The following RYR2 variants were observed in gnomAD, a reference collection of about 807,000 sequenced individuals.
The protein encoded by RYR2 is cardiac muscle ryanodine receptor-calcium release channel.
Under a neutral mutation model 601.1 loss-of-function variants are expected in RYR2, and 227 were observed. That is an observed-to-expected ratio of 0.38 (90% CI 0.34 to 0.42). RYR2 has a LOEUF of 0.42. Ranked by LOEUF, RYR2 falls within the 10% of genes least tolerant of loss-of-function variation. The pLI, the probability that RYR2 is intolerant of heterozygous loss-of-function variation, is 1.00. For missense variants in RYR2, 4,646 were observed against 6,156.5 expected, an observed-to-expected ratio of 0.75 and a Z score of 8.21; for synonymous variants, 2,223 against 2,175.1, an observed-to-expected ratio of 1.02 and a Z score of -0.61.
At chr1:237,687,363 C>CTTCTTTTTTTTTTTTTTTTTTTTT in intron 62 of RYR2, 92 bp from the exon 63 acceptor site, 1 of 452,442 alleles carries the variant, frequency 2.2e-6, no homozygotes, top group Admixed American at 5.9e-5. Context: ...CTTTTTTCTT[C>CTTCTTTTTTTTTTTTTTTTTTTTT]TTCTTTTTTT....
intron 10 of RYR2, among the ~76,000 whole-genome samples, chr1:237,395,763 G>A (rs1702796880): frequency 6.6e-6 from 1 of 151,952 alleles, no homozygotes; most frequent in Non-Finnish European, 1.5e-5. Flanking sequence ...AGCCAGGATG[G>A]TCTTGATCTC....
intron 53 of RYR2, among the ~76,000 whole-genome samples, chr1:237,656,999 A>G (rs1162016889): frequency 6.6e-6 from 1 of 152,180 alleles, no homozygotes; most frequent in Admixed American, 6.6e-5. Context: ...CTAACATATG[A>G]TCTCATCTGA....
chr1:237,399,889 G>A (rs1703190444), intron 10 of RYR2, among the ~76,000 whole-genome samples: 1 of 152,108 alleles, frequency 6.6e-6, no homozygotes, highest in South Asian at 2.1e-4. Flanking sequence ...GGTGTTTACG[G>A]TAACTAGGGG....
chr1:237,691,221 A>G lies in RYR2; in HGVS notation c.9067+3717A>G, dbSNP rs116516616. ...AAACCTAAGAGTAAATTAAGACAGA[A>G]TTGAAAGTTGAGGTTGACAAGAAAA... is the stretch of plus-strand genomic sequence containing the variant. On this transcript the variant is annotated intron_variant, in intron 63 of 104. Transcript: ENST00000366574. Among the ~76,000 whole-genome samples the G allele has an allele frequency of 4.7e-3, 718 of 152,318 alleles. 5 individuals are homozygous for G. The highest frequency in any genetic ancestry group is 0.01 in the Middle Eastern group (3 of 294).
At chr1:237,808,848 C>A (rs562583470) in intron 99 of RYR2, 53 bp from the exon 100 acceptor site, 9 of 1,591,934 alleles carry the variant, frequency 5.7e-6, no homozygotes, top group Non-Finnish European at 7.8e-6. Flanking sequence ...TGTCACGTGT[C>A]AATTGTATGT....
At chr1:237,824,789 C>T (rs976418235) in intron 101 of RYR2, among the ~76,000 whole-genome samples, 1 of 152,062 alleles carries the variant, frequency 6.6e-6, no homozygotes, top group African/African-American at 2.4e-5. Context: ...ATCTCAGCCC[C>T]AAATTTCCTT....
intron 2 of RYR2, among the ~76,000 whole-genome samples, chr1:237,323,262 G>A (rs115426744): frequency 6.6e-6 from 1 of 152,186 alleles, no homozygotes; most frequent in African/African-American, 2.4e-5. Context: ...CTACATCAGA[G>A]GAACCATTAG....
chr1:237,043,824 C>A (rs1465593388), intron 1 of RYR2, among the ~76,000 whole-genome samples: 1 of 152,162 alleles, frequency 6.6e-6, no homozygotes, highest in South Asian at 2.1e-4. Flanking sequence ...ATCGTAGATA[C>A]GGTGGAATTT....
intron 47 of RYR2, among the ~76,000 whole-genome samples, chr1:237,641,320 T>C (rs769475376): frequency 5.9e-5 from 9 of 152,170 alleles, no homozygotes; most frequent in Non-Finnish European, 1.2e-4. Flanking sequence ...TATGTTACAG[T>C]GCATCCAGAA....
At chr1:237,284,210 C>G (rs1691203021) in intron 2 of RYR2, among the ~76,000 whole-genome samples, 2 of 152,060 alleles carry the variant, frequency 1.3e-5, no homozygotes, top group South Asian at 4.2e-4. Flanking sequence ...TGGAGAAACC[C>G]CATCTCTACT....
At chr1:237,140,521 A>G (rs1303073745) in intron 1 of RYR2, among the ~76,000 whole-genome samples, 1 of 152,186 alleles carries the variant, frequency 6.6e-6, no homozygotes, top group African/African-American at 2.4e-5. Flanking sequence ...AAATCCATTT[A>G]CTCACAGAAC....
At chr1:237,426,527 A>C (rs1407310848) in intron 12 of RYR2, among the ~76,000 whole-genome samples, 1 of 152,186 alleles carries the variant, frequency 6.6e-6, no homozygotes, top group Non-Finnish European at 1.5e-5. Context: ...AAAAAAGTTC[A>C]ACCCACTAAA....
Position 237,610,501 on chromosome 1 carries a change from A to G in RYR2, c.4684-261A>G, listed in dbSNP as rs1339532710. Among the ~76,000 whole-genome samples, 3 of 152,292 alleles carry G rather than the reference A, an allele frequency of 2.0e-5. No individual in the cohort carries two copies. In the East Asian group the frequency reaches 5.8e-4, roughly 29 times the overall value. ...GTATGCTTGGCCTTCTCTCTGTGCC[A>G]TTCAGTATATGGGAAAGACACATCC... On this transcript the variant is annotated intron_variant, in intron 35 of 104. Transcript: ENST00000366574. This position sits in a 1 kb window ranked among gnomAD's most constrained non-coding sequence, Gnocchi z 4.9.
chr1:237,470,929 A>G (rs2805440), intron 17 of RYR2, among the ~76,000 whole-genome samples: 29,450 of 152,052 alleles, frequency 0.19, 3,082 homozygotes, highest in Middle Eastern at 0.28. Context: ...AGAGAGAGAC[A>G]GAGAGAGATC....
At chr1:237,706,901 C>A in intron 67 of RYR2, 48 bp from the exon 68 acceptor site, 1 of 1,487,192 alleles carries the variant, frequency 6.7e-7, no homozygotes, top group Non-Finnish European at 9.3e-7. Context: ...GCCATATCAT[C>A]TCAGTACTTT....
chr1:237,711,051 C>T (rs1281911112), intron 70 of RYR2, among the ~76,000 whole-genome samples: 2 of 152,078 alleles, frequency 1.3e-5, no homozygotes. Context: ...CTTCAGTTTC[C>T]TCGATCATTA....
At chr1:237,369,643 A>G (rs1190506835) in intron 6 of RYR2, 35 bp downstream of exon 6, 2 of 1,521,024 alleles carry the variant, frequency 1.3e-6, no homozygotes, top group African/African-American at 2.8e-5. Context: ...CCCTGTGGTC[A>G]TGCTGATCCA....
chr1:237,673,128 T>C (rs892994545), intron 58 of RYR2, among the ~76,000 whole-genome samples: 4 of 152,226 alleles, frequency 2.6e-5, no homozygotes, highest in African/African-American at 9.6e-5. Flanking sequence ...AAACAATATT[T>C]ATTCTCAATT....
chr1:237,636,752 G>A (rs1055767988), intron 44 of RYR2, among the ~76,000 whole-genome samples: 10 of 152,110 alleles, frequency 6.6e-5, no homozygotes, highest in African/African-American at 1.2e-4. Context: ...AGCTTTATTC[G>A]TCATAGCCAA....
Sources: gnomAD v4.1 joint callset for allele counts (sites outside exome capture counted in the v4.1 genomes callset) on GRCh38, gnomAD v4.1.1 for gene constraint, Gnocchi (gnomAD v3.1) non-coding constraint, MANE v1.5 for transcripts, NCBI Gene and HGNC (gene_info 2026-07-23, HGNC 2026-07-21) for gene names.